Variants in CNTNAP2 observed in about 807,000 individuals in gnomAD.
The protein encoded by CNTNAP2 is contactin associated protein 2, also known as contactin-associated protein-like 2.
A neutral mutation model predicts 155.2 loss-of-function variants in CNTNAP2; 98 were observed. That is an observed-to-expected ratio of 0.63 (90% CI 0.54 to 0.75). The LOEUF (loss-of-function observed/expected upper bound fraction) is 0.75. Ranked by LOEUF, CNTNAP2 falls within the 30% of genes least tolerant of loss-of-function variation. The pLI is 0.00. For missense variants in CNTNAP2, 1,727 were observed against 1,688.1 expected, an observed-to-expected ratio of 1.02 and a Z score of -0.40; for synonymous variants, 651 against 631.2, an observed-to-expected ratio of 1.03 and a Z score of -0.47.
rs1398497428 is a variant in CNTNAP2, at chr7:146,174,922, A to G, written c.97+57949A>G. On this transcript the variant is annotated intron_variant, in intron 1 of 23. Transcript: ENST00000361727. ...ATTACATATTTCCTGGACAAATAATACTTCATAGATGCCCCCAACTTTCCC... is the reference window on the plus strand; with the variant it reads ...ATTACATATTTCCTGGACAAATAATGCTTCATAGATGCCCCCAACTTTCCC... Among the ~76,000 whole-genome samples, 4 of 152,066 alleles carry G rather than the reference A, an allele frequency of 2.6e-5. No homozygotes were observed. The East Asian group carries it at 7.7e-4, about 29-fold the overall frequency.
intron 3 of CNTNAP2, among the ~76,000 whole-genome samples, chr7:146,840,601 A>AAG (rs1562969096): frequency 3.4e-4 from 52 of 151,986 alleles, no homozygotes; most frequent in African/African-American, 1.2e-3. Context: ...AGAAGAAGAA[A>AAG]AAGAAGATGA....
At chr7:146,858,521 G>A (rs1385138861) in intron 3 of CNTNAP2, among the ~76,000 whole-genome samples, 5 of 152,142 alleles carry the variant, frequency 3.3e-5, no homozygotes, top group South Asian at 2.1e-4. Context: ...TGGCAAAACC[G>A]TGTTTCTACA....
chr7:148,396,022 C>T (rs751841590), intron 22 of CNTNAP2, among the ~76,000 whole-genome samples: 6 of 152,132 alleles, frequency 3.9e-5, no homozygotes, highest in African/African-American at 1.4e-4. Context: ...CGACCCCCAC[C>T]CCACCTGGCA....
At chr7:146,529,069 A>C (rs1797731426) in intron 1 of CNTNAP2, among the ~76,000 whole-genome samples, 1 of 152,192 alleles carries the variant, frequency 6.6e-6, no homozygotes, top group Admixed American at 6.5e-5. Flanking sequence ...GATAATGCTA[A>C]AATCATAGAC....
chr7:147,106,010 T>G (rs1800758101), intron 4 of CNTNAP2, among the ~76,000 whole-genome samples: 1 of 152,054 alleles, frequency 6.6e-6, no homozygotes, highest in African/African-American at 2.4e-5. Flanking sequence ...TGCATTAACA[T>G]TTGCGTAAAT....
intron 8 of CNTNAP2, among the ~76,000 whole-genome samples, chr7:147,164,080 CTT>C (rs1234902330): frequency 6.6e-6 from 1 of 152,138 alleles, no homozygotes; most frequent in Non-Finnish European, 1.5e-5. Flanking sequence ...AAATGGAAGA[CTT>C]TATTCTCAAG....
At chr7:147,740,708 A>C (rs1365797114) in intron 13 of CNTNAP2, among the ~76,000 whole-genome samples, 1 of 152,228 alleles carries the variant, frequency 6.6e-6, no homozygotes, top group East Asian at 1.9e-4. Context: ...CAAAATGTCA[A>C]CCATATTATT....
At chr7:148,397,119 T>G (rs1314508478) in intron 22 of CNTNAP2, among the ~76,000 whole-genome samples, 1 of 152,216 alleles carries the variant, frequency 6.6e-6, no homozygotes, top group African/African-American at 2.4e-5. Flanking sequence ...AAAGTGGACA[T>G]TATCAGCCAC....
chr7:147,119,072 C>A (rs1801047297), intron 5 of CNTNAP2, among the ~76,000 whole-genome samples: 1 of 152,070 alleles, frequency 6.6e-6, no homozygotes, highest in South Asian at 2.1e-4. Context: ...AAACAAAAGA[C>A]ATTTTTGTTT....
intron 1 of CNTNAP2, among the ~76,000 whole-genome samples, chr7:146,194,197 G>A (rs975483154): frequency 3.9e-5 from 6 of 151,996 alleles, no homozygotes; most frequent in Non-Finnish European, 7.4e-5. Context: ...ACATTTTCAG[G>A]TATCATTACA....
intron 13 of CNTNAP2, among the ~76,000 whole-genome samples, chr7:147,708,497 G>C (rs1054772677): frequency 5.3e-5 from 8 of 152,172 alleles, no homozygotes; most frequent in African/African-American, 9.6e-5. Context: ...TAGCTGCCTA[G>C]GGCTTGGGGG....
chr7:148,106,562 T>C (rs1354883382), intron 15 of CNTNAP2, among the ~76,000 whole-genome samples: 2 of 149,440 alleles, frequency 1.3e-5, no homozygotes, highest in Non-Finnish European at 2.9e-5. Flanking sequence ...GGTCTCACTA[T>C]GTCGCCCAGG....
intron 11 of CNTNAP2, among the ~76,000 whole-genome samples, chr7:147,495,205 G>A (rs955894665): frequency 2.6e-5 from 4 of 152,144 alleles, no homozygotes; most frequent in African/African-American, 9.7e-5. Context: ...AAGATATTTG[G>A]GAAGACGTTC....
intron 9 of CNTNAP2, among the ~76,000 whole-genome samples, chr7:147,358,345 T>C (rs921699786): frequency 6.6e-6 from 1 of 152,200 alleles, no homozygotes; most frequent in Non-Finnish European, 1.5e-5. Context: ...TACTTTTTAA[T>C]GAAAATATCA....
chr7:147,562,043 G>T, intron 11 of CNTNAP2, 95 bp from the exon 12 acceptor site: 1 of 1,497,254 alleles, frequency 6.7e-7, no homozygotes, highest in Non-Finnish European at 9.3e-7. Flanking sequence ...CTCCTAACTA[G>T]TGGTTTGCTA....
intron 11 of CNTNAP2, among the ~76,000 whole-genome samples, chr7:147,516,654 T>C (rs1462215557): frequency 1.3e-5 from 2 of 149,734 alleles, no homozygotes; most frequent in African/African-American, 4.9e-5. Flanking sequence ...GTTACTAGGA[T>C]TAGCTCTAGT....
chr7:148,393,438 C>A (rs1799397686), intron 22 of CNTNAP2, among the ~76,000 whole-genome samples: 1 of 152,158 alleles, frequency 6.6e-6, no homozygotes, highest in Non-Finnish European at 1.5e-5. Flanking sequence ...TCCACTTTTC[C>A]TGCAAAAACA....
chr7:146,242,257 A>G (rs1799573784), intron 1 of CNTNAP2, among the ~76,000 whole-genome samples: 1 of 152,164 alleles, frequency 6.6e-6, no homozygotes, highest in Admixed American at 6.6e-5. Context: ...AAAATAAAAC[A>G]GGCCGGGCGC....
chr7:146,472,432 T>C (rs2129126856), intron 1 of CNTNAP2, among the ~76,000 whole-genome samples: 1 of 152,278 alleles, frequency 6.6e-6, no homozygotes, highest in South Asian at 2.1e-4. Flanking sequence ...AGCCTCAAAG[T>C]TAAAGCAATA....
Sources: allele counts gnomAD v4.1 joint callset (sites outside exome capture counted in the v4.1 genomes callset), GRCh38; gene constraint gnomAD v4.1.1; transcripts MANE v1.5; gene names NCBI Gene and HGNC (gene_info 2026-07-23, HGNC 2026-07-21).